Variants in CYSTM1 observed in about 807,000 individuals in gnomAD.
CYSTM1 encodes cysteine-rich transmembrane module-containing protein 1.
A neutral mutation model predicts 13.1 loss-of-function variants in CYSTM1; 4 were observed. The ratio of observed to expected loss-of-function variants is 0.31; its 90% CI spans 0.15 to 0.70. CYSTM1 has a LOEUF of 0.70. Among genes scored for constraint, CYSTM1 ranks in the 30% least tolerant of loss-of-function variants. The probability of loss-of-function intolerance (pLI) is 0.72; values close to 1 mark genes in which losing one functional copy is unlikely to be tolerated. For synonymous variants in CYSTM1, 36 were observed against 42.7 expected, an observed-to-expected ratio of 0.84 and a Z score of 0.62; for missense variants, 96 against 121.6, an observed-to-expected ratio of 0.79 and a Z score of 0.99.
chr5:140,225,703 G>A (rs1764540175), intron 2 of CYSTM1, among the ~76,000 whole-genome samples: 2 of 152,220 alleles, frequency 1.3e-5, no homozygotes, highest in Non-Finnish European at 2.9e-5. Context: ...TCATGTCTGT[G>A]TGTGAGCTGG....
chr5:140,182,216 G>T (rs1381940584), intron 1 of CYSTM1, among the ~76,000 whole-genome samples: 2 of 152,072 alleles, frequency 1.3e-5, no homozygotes, highest in African/African-American at 4.8e-5. Flanking sequence ...ATCCCACCTG[G>T]GGCAATACAG....
At chr5:140,215,786 G>C (rs1027778389) in intron 2 of CYSTM1, among the ~76,000 whole-genome samples, 2 of 151,864 alleles carry the variant, frequency 1.3e-5, no homozygotes, top group African/African-American at 4.8e-5. Flanking sequence ...TGTAGGGTGG[G>C]AAATAAAAAA....
In CYSTM1 at chr5:140,194,608, A is replaced by G. The variant is rs1764133347; in HGVS notation, c.143A>G (p.Gln48Arg). ...PQGYPYQGYP[Q>R]YGWQGGPQEP... ...GGGTACCCCTACCAAGGATACCCAC[A>G]GTACGGCTGGCAGGGTGGACCTCAG... The change falls in exon 2 of 3, where the codon CAG (glutamine) becomes CGG (arginine). Residue 48 changes from glutamine to arginine, a missense_variant. Transcript: ENST00000261811. 2 of 1,613,502 alleles carry G rather than the reference A, an allele frequency of 1.2e-6. No homozygotes were observed. Among genetic ancestry groups the G allele is most frequent in the African/African-American group, 2.7e-5 (2 of 75,044 alleles).
chr5:140,190,181 T>A (rs1561809475), intron 1 of CYSTM1, among the ~76,000 whole-genome samples: 1 of 152,254 alleles, frequency 6.6e-6, no homozygotes, highest in African/African-American at 2.4e-5. Context: ...ACAGAACTTT[T>A]AAATTTTTCT....
chr5:140,206,634 G>GTTTC (rs1323659016), intron 2 of CYSTM1, among the ~76,000 whole-genome samples: 42 of 151,128 alleles, frequency 2.8e-4, no homozygotes, highest in African/African-American at 9.7e-4. Flanking sequence ...TTGTTTGTTT[G>GTTTC]TTTGTTTCTT....
Position 140,232,608 on chromosome 5 carries a change from G to A in CYSTM1, c.188-10697G>A, listed in dbSNP as rs143190355. On this transcript the variant is annotated intron_variant, in intron 2 of 2. Transcript: ENST00000261811. ...TGTCTACACTGTTTTCACTGAGGAG[G>A]TGGACTTTTCTCCAGTTCTTGTTCT... 4.1e-3 allele frequency among the ~76,000 whole-genome samples: 620 copies of A among 152,304 alleles called. 5 individuals are homozygous for A. Among genetic ancestry groups the A allele is most frequent in the African/African-American group, 0.014 (602 of 41,558 alleles).
chr5:140,210,997 T>C (rs1764360533), intron 2 of CYSTM1, among the ~76,000 whole-genome samples: 4 of 152,340 alleles, frequency 2.6e-5, no homozygotes. Flanking sequence ...TCTGAGCCTC[T>C]CTGCAGTCTG....
intron 2 of CYSTM1, among the ~76,000 whole-genome samples, chr5:140,212,629 C>T (rs901714360): frequency 2.6e-5 from 4 of 151,842 alleles, no homozygotes; most frequent in African/African-American, 7.3e-5. Context: ...CCACCATGCC[C>T]GGTCAGGAGT....
intron 2 of CYSTM1, among the ~76,000 whole-genome samples, chr5:140,211,512 C>G (rs1276944332): frequency 6.6e-6 from 1 of 152,202 alleles, no homozygotes; most frequent in Non-Finnish European, 1.5e-5. Flanking sequence ...ATAATAACAT[C>G]TTGTCTATGA....
At chr5:140,207,494 T>C (rs899438783) in intron 2 of CYSTM1, among the ~76,000 whole-genome samples, 1 of 152,182 alleles carries the variant, frequency 6.6e-6, no homozygotes, top group African/African-American at 2.4e-5. Flanking sequence ...TTCAGATTAC[T>C]TGAGGGTAAA....
In CYSTM1 at chr5:140,230,730, T is replaced by G. The variant is rs763875834; in HGVS notation, c.188-12575T>G. Among the ~76,000 whole-genome samples the G allele has an allele frequency of 4.0e-4, 61 of 152,260 alleles. No individual in the cohort carries two copies. Among genetic ancestry groups the G allele is most frequent in the Non-Finnish European group, 5.7e-4 (39 of 68,036 alleles). On this transcript the variant is annotated intron_variant, in intron 2 of 2. Transcript: ENST00000261811. This position sits in a 1 kb window ranked among gnomAD's most constrained non-coding sequence, Gnocchi z 4.1. ...GCAAGTTGTTTCTTGACTGCCATCT[T>G]GTAAACTCTGTTAGGGATTGGTGTC... is the stretch of plus-strand genomic sequence containing the variant.
intron 2 of CYSTM1, among the ~76,000 whole-genome samples, chr5:140,206,723 T>C (rs1317357549): frequency 6.6e-6 from 1 of 152,178 alleles, no homozygotes; most frequent in African/African-American, 2.4e-5. Context: ...CTTGACTTCC[T>C]GGGCTCAAGT....
intron 1 of CYSTM1, among the ~76,000 whole-genome samples, chr5:140,187,040 C>A (rs979436834): frequency 2.0e-5 from 3 of 152,082 alleles, no homozygotes; most frequent in African/African-American, 7.2e-5. Flanking sequence ...GCAGGAGAAT[C>A]GCTTGAACCC....
chr5:140,204,368 GTC>G (rs1764271404), intron 2 of CYSTM1, among the ~76,000 whole-genome samples: 1 of 152,122 alleles, frequency 6.6e-6, no homozygotes, highest in South Asian at 2.1e-4. Context: ...GCAAGACCCT[GTC>G]TCTCAACAAC....
chr5:140,192,601 C>A (rs1468795494), intron 1 of CYSTM1, among the ~76,000 whole-genome samples: 1 of 152,166 alleles, frequency 6.6e-6, no homozygotes, highest in Non-Finnish European at 1.5e-5. Context: ...TGGCTGTCAG[C>A]AATTTTGTAG....
chr5:140,242,855 G>A (rs1373207498), intron 2 of CYSTM1, among the ~76,000 whole-genome samples: 1 of 152,162 alleles, frequency 6.6e-6, no homozygotes, highest in Non-Finnish European at 1.5e-5. Flanking sequence ...GAAAAACCAG[G>A]GCTCTTGATT....
intron 2 of CYSTM1, among the ~76,000 whole-genome samples, chr5:140,207,203 A>G (rs1156323214): frequency 6.6e-6 from 1 of 152,106 alleles, no homozygotes; most frequent in Non-Finnish European, 1.5e-5. Context: ...AGAGAGAGAG[A>G]GCTCTGGTGG....
In CYSTM1 at chr5:140,224,464, A is replaced by G. The variant is rs572955851; in HGVS notation, c.188-18841A>G. Among the ~76,000 whole-genome samples the G allele has an allele frequency of 1.0e-3, 154 of 152,198 alleles. 1 individual carries two copies. Among genetic ancestry groups the G allele is most frequent in the Middle Eastern group, 3.4e-3 (1 of 292 alleles). ...GCCGCAGACTTTCTTACAAAACTCT[A>G]GGAAGATTAGACAAATATCTTCACT... On this transcript the variant is annotated intron_variant, in intron 2 of 2. Transcript: ENST00000261811.
At chr5:140,208,533 T>G (rs1467316940) in intron 2 of CYSTM1, among the ~76,000 whole-genome samples, 1 of 152,178 alleles carries the variant, frequency 6.6e-6, no homozygotes, top group Non-Finnish European at 1.5e-5. Context: ...ACAGAGTGAC[T>G]ATAGTCAGTA....
Sources: allele counts gnomAD v4.1 joint callset (sites outside exome capture counted in the v4.1 genomes callset), GRCh38; gene constraint gnomAD v4.1.1; non-coding constraint Gnocchi (gnomAD v3.1); transcripts MANE v1.5; gene names NCBI Gene and HGNC (gene_info 2026-07-23, HGNC 2026-07-21).